The following PCDHA8 variants were observed in gnomAD, a reference collection of about 807,000 sequenced individuals.
PCDHA8 encodes protocadherin alpha 8.
A neutral mutation model predicts 61.8 loss-of-function variants in PCDHA8; 53 were observed. The observed-to-expected ratio is 0.86, with a 90% CI of 0.69 to 1.08. The LOEUF (loss-of-function observed/expected upper bound fraction) is 1.08, where lower values mean the gene tolerates loss of function less well. Ranked by LOEUF, PCDHA8 falls within the 50% of genes least tolerant of loss-of-function variation. The pLI, the probability that PCDHA8 is intolerant of heterozygous loss-of-function variation, is 0.00. For synonymous variants in PCDHA8, 618 were observed against 556.6 expected (o/e 1.11, Z -1.55); for missense variants, 1,293 against 1,245.0 (o/e 1.04, Z -0.58).
At chr5:140,920,107 C>A (rs1480708499) in intron 1 of PCDHA8, among the ~76,000 whole-genome samples, 1 of 152,300 alleles carries the variant, frequency 6.6e-6, no homozygotes, top group Non-Finnish European at 1.5e-5. Flanking sequence ...GGGAGTGCAA[C>A]CTTGCCAACA....
intron 3 of PCDHA8, among the ~76,000 whole-genome samples, chr5:140,993,418 C>A (rs59434300): frequency 6.6e-5 from 10 of 151,302 alleles, no homozygotes; most frequent in Non-Finnish European, 1.5e-4. Context: ...ATCAGCATTT[C>A]TCTTTTAAAA....
intron 1 of PCDHA8, among the ~76,000 whole-genome samples, chr5:140,937,928 G>T (rs997116789): frequency 4.0e-5 from 6 of 148,604 alleles, no homozygotes; most frequent in Non-Finnish European, 8.9e-5. Context: ...AAAAAAAAAA[G>T]TTTAATTTGA....
Position 140,913,476 on chromosome 5 carries a change from T to G in PCDHA8, c.2395-65473T>G, listed in dbSNP as rs191224245. On this transcript the variant is annotated intron_variant, in intron 1 of 3. Transcript: ENST00000531613. ...TTTATTTACTTGGGTCTTCTCTCTT[T>G]TTTTCTTCATTAGTCTGTTTAAAAC... Among the ~76,000 whole-genome samples the G allele has an allele frequency of 5.9e-3, 899 of 152,286 alleles. 12 individuals carry two copies. Among genetic ancestry groups the G allele is most frequent in the African/African-American group, 0.02 (842 of 41,576 alleles).
At chr5:140,997,116 C>A (rs1554255739) in intron 3 of PCDHA8, among the ~76,000 whole-genome samples, 1 of 152,054 alleles carries the variant, frequency 6.6e-6, no homozygotes, top group Non-Finnish European at 1.5e-5. Context: ...CCTGCTCTCC[C>A]ACATACACAA....
At chr5:140,991,808 G>A (rs367660702) in intron 3 of PCDHA8, among the ~76,000 whole-genome samples, 4 of 152,074 alleles carry the variant, frequency 2.6e-5, no homozygotes, top group East Asian at 1.9e-4. Flanking sequence ...GGCCACTTCC[G>A]CATTTTTAGG....
intron 1 of PCDHA8, among the ~76,000 whole-genome samples, chr5:140,878,693 C>T (rs932928385): frequency 6.6e-6 from 1 of 152,136 alleles, no homozygotes; most frequent in South Asian, 2.1e-4. Context: ...TCTTACATAC[C>T]CCAGCCTGGT....
At chr5:140,863,771 G>A (rs557463364) in intron 1 of PCDHA8, 111 of 240,518 alleles carry the variant, frequency 4.6e-4, no homozygotes, top group Non-Finnish European at 7.8e-4. Context: ...AGCCGAGGCG[G>A]GCGGATCACT....
In PCDHA8 at chr5:140,842,066, G is replaced by A; in HGVS notation, c.745G>A (p.Val249Ile). The part of the protein sequence containing the change: ...APTFEQSEYE[V>I]RIFENADNGT... Reference sequence around the variant, plus strand: ...CACTTTCGAACAGTCTGAATACGAAGTAAGAATATTCGAAAACGCAGACAA... The same window carrying A: ...CACTTTCGAACAGTCTGAATACGAAATAAGAATATTCGAAAACGCAGACAA... Residue 249 changes from valine (V) to isoleucine (I), a missense_variant, in exon 1 of 4, where the codon GTA becomes ATA. By Grantham distance (29) the Val-to-Ile change is conservative. Coordinates refer to ENST00000531613, the MANE Select transcript of PCDHA8 (RefSeq NM_018911.3). 6.2e-7 allele frequency: 1 copy of A among 1,613,874 alleles called. No homozygotes were observed. The highest frequency in any genetic ancestry group is 8.5e-7 in the Non-Finnish European group (1 of 1,179,878).
rs567366418 is a variant in PCDHA8 at position 140,912,439 on chromosome 5, G to T, written c.2395-66510G>T. 2.6e-5 allele frequency among the ~76,000 whole-genome samples: 4 copies of T among 151,104 alleles called. No individual in the cohort carries two copies. The East Asian group carries it at 7.8e-4, about 29-fold the overall frequency. On this transcript the variant is annotated intron_variant, in intron 1 of 3. Transcript: ENST00000531613. ...TGGTGTATAGCAGTGTTGCTGATTT[G>T]TGTGCATTGATTTTGTATCCTGGAA...
chr5:140,859,506 C>A, intron 1 of PCDHA8: 1 of 197,142 alleles, frequency 5.1e-6, no homozygotes, highest in Non-Finnish European at 1.0e-5. Flanking sequence ...ACCTGATACC[C>A]ATGATTTCAT....
Position 140,968,192 on chromosome 5 carries a change from A to G in PCDHA8, c.2395-10757A>G, listed in dbSNP as rs555596025. The G allele has an allele frequency of 2.5e-6, 4 of 1,614,038 alleles. No individual in the cohort carries two copies. The Admixed American group carries it at 5.0e-5, about 20-fold the overall frequency. ...AAGCTTCCTGGAGGACTCCTATTCC[A>G]TCTACATACAGGAGAACAATTTGCC... On this transcript the variant is annotated intron_variant, in intron 1 of 3. Coordinates refer to ENST00000531613, the MANE Select transcript of PCDHA8 (RefSeq NM_018911.3).
intron 1 of PCDHA8, chr5:140,858,307 G>T: frequency 6.3e-7 from 1 of 1,597,292 alleles, no homozygotes; most frequent in Non-Finnish European, 8.6e-7. Flanking sequence ...AGCAGAGGCG[G>T]CAGAGGGTGT....
Position 140,841,819 on chromosome 5 carries a change from C to T in PCDHA8, c.498C>T (p.Ser166=), listed in dbSNP as rs2150323482. Residue 166 remains serine, a synonymous_variant, in exon 1 of 4, where the codon TCC becomes TCT. Coordinates refer to ENST00000531613, the MANE Select transcript of PCDHA8 (RefSeq NM_018911.3). ...CCGATGCAGATGTTGGAGCTAACTC[C>T]GTGTTAACCTACAGGCTTAGCTCTC... The part of the protein sequence containing the change: ...GASDADVGAN[S]VLTYRLSSHD... 3.7e-6 allele frequency: 6 copies of T among 1,613,756 alleles called. No homozygotes were observed. The highest frequency in any genetic ancestry group is 2.2e-5 in the South Asian group (2 of 91,076).
chr5:141,000,417 ATATATTTTTTT>A (rs2097924314), intron 3 of PCDHA8, among the ~76,000 whole-genome samples: 12 of 77,748 alleles, frequency 1.5e-4, no homozygotes, highest in Non-Finnish European at 2.3e-4. Flanking sequence ...ATATATATAT[ATATATTTTTTT>A]TTTTTTTTTT....
chr5:140,941,461 G>A (rs1202773112), intron 1 of PCDHA8, among the ~76,000 whole-genome samples: 7 of 150,524 alleles, frequency 4.7e-5, no homozygotes, highest in Non-Finnish European at 7.4e-5. Context: ...GATTACAGGC[G>A]CCCACCACCA....
intron 1 of PCDHA8, among the ~76,000 whole-genome samples, chr5:140,947,890 G>A (rs1233922642): frequency 1.3e-5 from 2 of 151,506 alleles, no homozygotes; most frequent in African/African-American, 4.8e-5. Context: ...AATATAAACA[G>A]AAGTGGTGAG....
chr5:140,856,884 C>T, intron 1 of PCDHA8: 1 of 1,596,124 alleles, frequency 6.3e-7, no homozygotes. Context: ...ATGATGTATT[C>T]ATTTAGCTCT....
In PCDHA8 at chr5:140,850,761, C is replaced by T. The variant is rs2150497421; in HGVS notation, c.2394+7046C>T. ...TTGGTCGTACTCGCAGCAGAGGAGGCAGAGGGTGTGCTCTGGCGAGGGTAA... is the reference window on the plus strand; with the variant it reads ...TTGGTCGTACTCGCAGCAGAGGAGGTAGAGGGTGTGCTCTGGCGAGGGTAA... On this transcript the variant is annotated intron_variant, in intron 1 of 3. Coordinates refer to ENST00000531613, the MANE Select transcript of PCDHA8 (RefSeq NM_018911.3). The T allele has an allele frequency of 1.4e-5, 23 of 1,597,888 alleles. 2 individuals are homozygous for T. In the Admixed American group the frequency reaches 1.5e-4, roughly 11 times the overall value.
At chr5:140,898,816 C>T (rs1216644860) in intron 1 of PCDHA8, among the ~76,000 whole-genome samples, 5 of 152,148 alleles carry the variant, frequency 3.3e-5, no homozygotes, top group African/African-American at 1.2e-4. Context: ...TTCTTCCTAC[C>T]CATGAGCATG....
Sources: allele counts gnomAD v4.1 joint callset (sites outside exome capture counted in the v4.1 genomes callset), GRCh38; gene constraint gnomAD v4.1.1; transcripts MANE v1.5; gene names NCBI Gene and HGNC (gene_info 2026-07-23, HGNC 2026-07-21).